The following RETREG1 variants were observed in gnomAD, a reference collection of about 807,000 sequenced individuals.
The protein encoded by RETREG1 is reticulophagy regulator 1, also known as family with sequence similarity 134 member B.
In RETREG1, 44 loss-of-function variants were observed where a neutral mutation model predicts 54.8. That is an observed-to-expected ratio of 0.80 (90% CI 0.63 to 1.03). RETREG1 has a LOEUF of 1.03. Among genes scored for constraint, RETREG1 ranks in the 50% least tolerant of loss-of-function variants. RETREG1 has a pLI of 0.00. For missense variants in RETREG1, 554 were observed against 605.1 expected (o/e 0.92, Z 0.89); for synonymous variants, 217 against 238.5 (o/e 0.91, Z 0.83).
rs534055625 is a variant in RETREG1 at position 16,541,831 on chromosome 5, A to G, written c.458+23932T>C. On this transcript the variant is annotated intron_variant, in intron 3 of 8. Coordinates refer to ENST00000306320, the MANE Select transcript of RETREG1 (RefSeq NM_001034850.3). ...GAAGGGGAAGGTAGGTCAGATAGAAAGAAATAACATCCAGGTTTAAAAATA... is the reference window on the plus strand; with the variant it reads ...GAAGGGGAAGGTAGGTCAGATAGAAGGAAATAACATCCAGGTTTAAAAATA... Among the ~76,000 whole-genome samples, 867 of 151,946 alleles carry G rather than the reference A, an allele frequency of 5.7e-3. 6 individuals carry two copies. The highest frequency in any genetic ancestry group is 0.02 in the African/African-American group (825 of 41,396).
intron 3 of RETREG1, among the ~76,000 whole-genome samples, chr5:16,516,809 G>C (rs1740371677): frequency 6.6e-6 from 1 of 151,878 alleles, no homozygotes; most frequent in Non-Finnish European, 1.5e-5. Flanking sequence ...ATTCCAAAAA[G>C]ATCATAAGAG....
chr5:16,551,275 T>A (rs1287945126), intron 3 of RETREG1, among the ~76,000 whole-genome samples: 1 of 149,066 alleles, frequency 6.7e-6, no homozygotes, highest in Non-Finnish European at 1.5e-5. Context: ...AAAAGCTCCT[T>A]CCCCTCCTCC....
intron 3 of RETREG1, among the ~76,000 whole-genome samples, chr5:16,486,433 A>T (rs1442535584): frequency 1.3e-5 from 2 of 152,236 alleles, no homozygotes; most frequent in African/African-American, 4.8e-5. Flanking sequence ...TCTTCCAGTG[A>T]GTTTACCATT....
chr5:16,564,675 C>A (rs1741959591), intron 3 of RETREG1, among the ~76,000 whole-genome samples: 1 of 152,216 alleles, frequency 6.6e-6, no homozygotes, highest in African/African-American at 2.4e-5. Context: ...CTGCCCGCCA[C>A]CTCCACGAGA....
chr5:16,539,854 C>G (rs763659264), intron 3 of RETREG1, among the ~76,000 whole-genome samples: 2 of 152,214 alleles, frequency 1.3e-5, no homozygotes, highest in Non-Finnish European at 2.9e-5. Flanking sequence ...CTGCACTTAT[C>G]AAATATAACT....
Position 16,539,602 on chromosome 5 carries a change from A to G in RETREG1, c.458+26161T>C, listed in dbSNP as rs563377504. Among the ~76,000 whole-genome samples, 3 of 152,254 alleles carry G rather than the reference A, an allele frequency of 2.0e-5. No homozygotes were observed. The East Asian group carries it at 5.8e-4, about 29-fold the overall frequency. On this transcript the variant is annotated intron_variant, in intron 3 of 8. Transcript: ENST00000306320. ...CCCAGCTCCCTGCACAAGCTGTCCC[A>G]TGCTTGCTCCTGCAACTGAGCCTCC... is the stretch of plus-strand genomic sequence containing the variant.
At chr5:16,506,926 T>C (rs1739981813) in intron 3 of RETREG1, among the ~76,000 whole-genome samples, 1 of 152,144 alleles carries the variant, frequency 6.6e-6, no homozygotes, top group South Asian at 2.1e-4. Flanking sequence ...ATCCAATATA[T>C]TACTAATCCT....
chr5:16,555,514 A>G (rs1741682203), intron 3 of RETREG1, among the ~76,000 whole-genome samples: 1 of 152,186 alleles, frequency 6.6e-6, no homozygotes, highest in South Asian at 2.1e-4. Flanking sequence ...AAGGTACTCA[A>G]TAAATTTCTG....
intron 3 of RETREG1, among the ~76,000 whole-genome samples, chr5:16,536,210 C>A (rs562866631): frequency 1.3e-5 from 2 of 152,308 alleles, no homozygotes; most frequent in East Asian, 3.9e-4. Flanking sequence ...TCTGGCTTGG[C>A]ATGAACCATC....
chr5:16,563,501 C>A (rs1251195494), intron 3 of RETREG1, among the ~76,000 whole-genome samples: 1 of 152,172 alleles, frequency 6.6e-6, no homozygotes, highest in Admixed American at 6.5e-5. Flanking sequence ...CTCAAGCAAT[C>A]TGCCCACCTT....
chr5:16,586,810 C>T (rs1190019298), intron 1 of RETREG1, among the ~76,000 whole-genome samples: 2 of 152,214 alleles, frequency 1.3e-5, no homozygotes, highest in Admixed American at 6.5e-5. Context: ...TTATAAACAA[C>T]AGAAATCTAT....
rs1491164415 is a variant in RETREG1 at position 16,474,668 on chromosome 5, CCT to C, written c.*71_*72del. On this transcript the variant is annotated 3_prime_UTR_variant, in exon 9 of 9. Coordinates refer to ENST00000306320, the MANE Select transcript of RETREG1 (RefSeq NM_001034850.3). ...GCTTACAGTTCAATTTTTTTCTTTT[CCT>C]TTTTTTTTTTTTTTTCTTGTTTGAA... 2.5e-4 allele frequency: 320 copies of C among 1,283,282 alleles called. No homozygotes were observed. In the Middle Eastern group the frequency reaches 8.6e-3, roughly 34 times the overall value. The allele number at this position is 1,283,282 out of a possible 1,614,324, so 79.5% of individuals were successfully genotyped here. A position where few individuals can be genotyped will look rare whatever the true frequency, so the allele number is the denominator to read the frequency against.
intron 3 of RETREG1, among the ~76,000 whole-genome samples, chr5:16,541,735 GGGAGGGAA>G (rs1217953522): frequency 8.4e-5 from 8 of 94,956 alleles, no homozygotes; most frequent in Middle Eastern, 6.3e-3. Flanking sequence ...AAGAGAGGGA[GGGAGGGAA>G]GGAAGGAAGG....
intron 2 of RETREG1, among the ~76,000 whole-genome samples, chr5:16,567,158 G>A (rs1490909053): frequency 2.6e-5 from 4 of 152,222 alleles, no homozygotes; most frequent in African/African-American, 4.8e-5. Flanking sequence ...TGAGTAGAGG[G>A]AGGAAGTCAG....
chr5:16,517,153 A>ACAGGAG (rs1459696857), intron 3 of RETREG1, among the ~76,000 whole-genome samples: 6 of 150,480 alleles, frequency 4.0e-5, no homozygotes, highest in Admixed American at 6.6e-5. Context: ...GATATATCTA[A>ACAGGAG]TAGGAGTCTT....
chr5:16,580,195 C>G (rs1275838818), intron 1 of RETREG1, among the ~76,000 whole-genome samples: 2 of 152,166 alleles, frequency 1.3e-5, no homozygotes, highest in Middle Eastern at 3.2e-3. Context: ...CATGTTCTAT[C>G]TGGACGTCAT....
chr5:16,503,138 C>A (rs950977569), intron 3 of RETREG1, among the ~76,000 whole-genome samples: 1 of 152,166 alleles, frequency 6.6e-6, no homozygotes. Flanking sequence ...AGGAAGCTCA[C>A]TGGGGCACTG....
chr5:16,580,354 G>A (rs1010890068), intron 1 of RETREG1, among the ~76,000 whole-genome samples: 8 of 152,330 alleles, frequency 5.3e-5, no homozygotes, highest in African/African-American at 1.9e-4. Flanking sequence ...TATCCACAAA[G>A]ACAGAATTAG....
At chr5:16,517,741 A>G (rs561199911) in intron 3 of RETREG1, among the ~76,000 whole-genome samples, 2 of 152,358 alleles carry the variant, frequency 1.3e-5, no homozygotes, top group South Asian at 4.1e-4. Flanking sequence ...ATATTGTGCA[A>G]CTACAAATTA....
Sources: allele counts gnomAD v4.1 joint callset (sites outside exome capture counted in the v4.1 genomes callset), GRCh38; gene constraint gnomAD v4.1.1; transcripts MANE v1.5; gene names NCBI Gene and HGNC (gene_info 2026-07-23, HGNC 2026-07-21).